The following ACO2 variants were observed in gnomAD, a reference collection of about 807,000 sequenced individuals.
The protein encoded by ACO2 is aconitate hydratase, mitochondrial.
ACO2 carries 31 observed loss-of-function variants against 84.5 expected under a neutral mutation model. The observed-to-expected ratio is 0.37, with a 90% CI of 0.28 to 0.50. The LOEUF is 0.50. Ranked by LOEUF, ACO2 falls within the 20% of genes least tolerant of loss-of-function variation. ACO2 has a pLI of 0.97. For missense variants in ACO2, 685 were observed against 1,029.3 expected, an observed-to-expected ratio of 0.67 and a Z score of 4.58; for synonymous variants, 414 against 412.7, an observed-to-expected ratio of 1.00 and a Z score of -0.04.
intron 1 of ACO2, among the ~76,000 whole-genome samples, chr22:41,473,881 A>G (rs1218438971): frequency 1.3e-5 from 2 of 152,190 alleles, no homozygotes; most frequent in African/African-American, 2.4e-5. Flanking sequence ...CAGTGTTGCT[A>G]CAGTGTCCTG....
chr22:41,501,312 T>C (rs1224444357), intron 2 of ACO2, among the ~76,000 whole-genome samples: 3 of 152,114 alleles, frequency 2.0e-5, no homozygotes, highest in South Asian at 2.1e-4. Flanking sequence ...TAAGGTGGGA[T>C]CTTGAGCATG....
rs758823518 is a variant in ACO2, at chr22:41,507,853, G to C, written c.236G>C (p.Ser79Thr). ...IVYGHLDDPA[S>T]QEIERGKSYL... is the part of the protein sequence containing the mutation. The stretch of plus-strand genomic sequence containing the variant: ...TATGGACACCTGGATGACCCCGCCA[G>C]CCAGGAAATTGAGCGAGGCAAGTCG... The change falls in exon 3 of 18, where the codon AGC (serine) becomes ACC (threonine). Residue 79 changes from serine to threonine, a missense_variant. Coordinates refer to ENST00000216254, the MANE Select transcript of ACO2 (RefSeq NM_001098.3). The C allele has an allele frequency of 1.1e-5, 18 of 1,614,106 alleles. No homozygotes were observed. In the East Asian group the frequency reaches 4.0e-4, roughly 36 times the overall value.
At chr22:41,475,880 A>C (rs1385643629) in intron 1 of ACO2, among the ~76,000 whole-genome samples, 2 of 144,442 alleles carry the variant, frequency 1.4e-5, no homozygotes, top group African/African-American at 2.6e-5. Flanking sequence ...CCTGGGCAAC[A>C]GGGTGAAACT....
At chr22:41,481,891 C>T (rs1027964162) in intron 1 of ACO2, among the ~76,000 whole-genome samples, 2 of 151,972 alleles carry the variant, frequency 1.3e-5, no homozygotes, top group African/African-American at 4.8e-5. Flanking sequence ...CATTTTTTGT[C>T]CCCATGGAGC....
intron 14 of ACO2, chr22:41,526,023 C>T (rs1389344902): frequency 2.2e-6 from 1 of 455,372 alleles, no homozygotes; most frequent in Non-Finnish European, 3.9e-6. Context: ...GCGGCCTCTG[C>T]CCCATAAGGG....
rs1157483406 is a variant in ACO2, at chr22:41,523,679, C to A, written c.1371-151C>A. ...GGTTCCCTTCTGCTCTGCGCGTGGC[C>A]CCAGGAGGAGGCAACCCTGGCAGGG... is the stretch of plus-strand genomic sequence containing the variant. On this transcript the variant is annotated intron_variant, in intron 11 of 17. Coordinates refer to ENST00000216254, the MANE Select transcript of ACO2 (RefSeq NM_001098.3). 4.3e-6 allele frequency: 3 copies of A among 696,484 alleles called. No individual in the cohort carries two copies. The African/African-American group carries it at 5.3e-5, about 12-fold the overall frequency. 43.1% of individuals were successfully genotyped at this position (696,484 alleles called of 1,614,324 possible).
intron 1 of ACO2, among the ~76,000 whole-genome samples, chr22:41,472,546 C>A (rs1387912358): frequency 6.6e-6 from 1 of 152,038 alleles, no homozygotes; most frequent in East Asian, 1.9e-4. Flanking sequence ...TGTGTACTCT[C>A]GTTTGACAGT....
chr22:41,487,749 C>G (rs1275445393), intron 1 of ACO2, among the ~76,000 whole-genome samples: 1 of 152,038 alleles, frequency 6.6e-6, no homozygotes, highest in East Asian at 1.9e-4. Context: ...TGAGAATCCA[C>G]CTGCCTGCTT....
intron 1 of ACO2, among the ~76,000 whole-genome samples, chr22:41,476,986 T>C (rs2038023466): frequency 6.6e-6 from 1 of 151,356 alleles, no homozygotes; most frequent in Non-Finnish European, 1.5e-5. Flanking sequence ...CTGTCTCTAC[T>C]AAAATACAAA....
chr22:41,526,456 G>A lies in ACO2; in HGVS notation c.1953+3G>A, dbSNP rs1322786705. The A allele has an allele frequency of 6.2e-7, 1 of 1,609,358 alleles. No individual in the cohort carries two copies. The highest frequency in any genetic ancestry group is 1.3e-5 in the African/African-American group (1 of 74,872). On this transcript the variant is annotated splice_donor_region_variant and intron_variant, in intron 15 of 17. Coordinates refer to ENST00000216254, the MANE Select transcript of ACO2 (RefSeq NM_001098.3). Reference sequence around the variant, plus strand: ...CTGACACTGCCCGCTACTACAAGGTGGGTCAGAGTTGATAGGGGCAATGCC... The same window carrying A: ...CTGACACTGCCCGCTACTACAAGGTAGGTCAGAGTTGATAGGGGCAATGCC...
intron 16 of ACO2, 41 bp from the exon 17 acceptor site, chr22:41,527,860 C>G: frequency 6.2e-7 from 1 of 1,613,916 alleles, no homozygotes; most frequent in Non-Finnish European, 8.5e-7. Context: ...GCTCTCCAGG[C>G]TAGTCAGGCC....
At chr22:41,479,317 C>T (rs148019665) in intron 1 of ACO2, among the ~76,000 whole-genome samples, 8 of 152,312 alleles carry the variant, frequency 5.3e-5, no homozygotes, top group African/African-American at 1.9e-4. Context: ...CAATCAGGCC[C>T]TCTGTGCCAG....
chr22:41,527,435 G>A lies in ACO2; in HGVS notation c.2086+15G>A. 6.2e-7 allele frequency: 1 copy of A among 1,600,646 alleles called. No individual in the cohort carries two copies. Among genetic ancestry groups the A allele is most frequent in the Non-Finnish European group, 8.5e-7 (1 of 1,173,870 alleles). ...CAGGATCCACGGTGAGCTGGAGTCTGTACCCAGGCCATCCTCATCCCATCC... is the reference window on the plus strand; with the variant it reads ...CAGGATCCACGGTGAGCTGGAGTCTATACCCAGGCCATCCTCATCCCATCC... On this transcript the variant is annotated intron_variant, in intron 16 of 17. Transcript: ENST00000216254.
Position 41,482,271 on chromosome 22 carries a change from C to T in ACO2, c.36+13089C>T, listed in dbSNP as rs1038915435. 6.3e-4 allele frequency among the ~76,000 whole-genome samples: 96 copies of T among 152,360 alleles called. 1 individual carries two copies. Among genetic ancestry groups the T allele is most frequent in the Middle Eastern group, 3.4e-3 (1 of 294 alleles). ...GGGACCAACAACCCCCTGGAGGACT[C>T]AGCCCACCTGGCCGCTGGGCCTGAA... On this transcript the variant is annotated intron_variant, in intron 1 of 17. Coordinates refer to ENST00000216254, the MANE Select transcript of ACO2 (RefSeq NM_001098.3).
At chr22:41,524,496 T>C (rs1385085885) in intron 12 of ACO2, among the ~76,000 whole-genome samples, 1 of 152,254 alleles carries the variant, frequency 6.6e-6, no homozygotes, top group East Asian at 1.9e-4. Flanking sequence ...GCTCCTTCCA[T>C]GTTTTTAGTG....
intron 1 of ACO2, among the ~76,000 whole-genome samples, chr22:41,491,241 G>T (rs960986704): frequency 2.6e-5 from 4 of 152,074 alleles, no homozygotes; most frequent in African/African-American, 9.7e-5. Context: ...ATCATGTTCA[G>T]TGCCCTTGAG....
chr22:41,526,492 C>T, intron 15 of ACO2, 39 bp downstream of exon 15: 2 of 1,578,502 alleles, frequency 1.3e-6, no homozygotes, highest in Non-Finnish European at 1.7e-6. Context: ...AGTGGTCACT[C>T]CTGAAGGGGC....
rs193005744 is a variant in ACO2, at chr22:41,478,607, T to G, written c.36+9425T>G. Among the ~76,000 whole-genome samples the G allele has an allele frequency of 1.1e-4, 17 of 152,266 alleles. No homozygotes were observed. The East Asian group carries it at 1.5e-3, about 14-fold the overall frequency. Reference sequence around the variant, plus strand: ...CATGAAATATTCAAGTCTAGGCCCTTGGTGAATTGAGGCCTGGTGAGTATT... The same window carrying G: ...CATGAAATATTCAAGTCTAGGCCCTGGGTGAATTGAGGCCTGGTGAGTATT... On this transcript the variant is annotated intron_variant, in intron 1 of 17. Transcript: ENST00000216254.
chr22:41,525,737 C>T (rs780455897), intron 14 of ACO2: 14 of 243,822 alleles, frequency 5.7e-5, no homozygotes, highest in Non-Finnish European at 5.6e-5. Context: ...AACTCCTGCC[C>T]CCACAGTTGG....
Sources: allele counts gnomAD v4.1 joint callset (sites outside exome capture counted in the v4.1 genomes callset), GRCh38; gene constraint gnomAD v4.1.1; transcripts MANE v1.5; gene names NCBI Gene and HGNC (gene_info 2026-07-23, HGNC 2026-07-21).